GALNT2: variants seen among roughly 807,000 people sequenced by gnomAD.
GALNT2 encodes UDP-GalNAc:polypeptide N-acetylgalactosaminyltransferase 2.
A neutral mutation model predicts 81.4 loss-of-function variants in GALNT2; 31 were observed. The ratio of observed to expected loss-of-function variants is 0.38; its 90% CI spans 0.29 to 0.51. The LOEUF is 0.51. GALNT2 is among the 20% of genes least tolerant of loss of function. The probability of loss-of-function intolerance (pLI) is 0.87; values close to 1 mark genes in which losing one functional copy is unlikely to be tolerated. For synonymous variants in GALNT2, 303 were observed against 287.4 expected, an observed-to-expected ratio of 1.05 and a Z score of -0.55; for missense variants, 629 against 765.7, an observed-to-expected ratio of 0.82 and a Z score of 2.11.
At chr1:230,260,761 CATT>C (rs749855521) in intron 11 of GALNT2, among the ~76,000 whole-genome samples, 5 of 152,184 alleles carry the variant, frequency 3.3e-5, no homozygotes, top group Admixed American at 6.5e-5. Context: ...TTTAAGTACT[CATT>C]GTTGTATCTG....
At chr1:230,195,136 G>A (rs1558134103) in intron 2 of GALNT2, among the ~76,000 whole-genome samples, 3 of 152,226 alleles carry the variant, frequency 2.0e-5, no homozygotes, top group Non-Finnish European at 4.4e-5. Context: ...CTCCAAGTCC[G>A]GACCAAGGTC....
At chr1:230,166,865 A>C (rs969667641) in intron 1 of GALNT2, among the ~76,000 whole-genome samples, 5 of 152,174 alleles carry the variant, frequency 3.3e-5, no homozygotes, top group Admixed American at 2.6e-4. Flanking sequence ...AGTCATGAGG[A>C]GTAAAAGAGA....
chr1:230,129,047 G>A (rs1436574694), intron 1 of GALNT2, among the ~76,000 whole-genome samples: 1 of 152,200 alleles, frequency 6.6e-6, no homozygotes, highest in Admixed American at 6.5e-5. Context: ...GTGGCCAAAT[G>A]CCGCCGCTAG....
At chr1:230,118,825 A>T (rs1343786985) in intron 1 of GALNT2, among the ~76,000 whole-genome samples, 1 of 152,132 alleles carries the variant, frequency 6.6e-6, no homozygotes, top group African/African-American at 2.4e-5. Flanking sequence ...AATTAAAAAA[A>T]GTTATTATAG....
At chr1:230,223,453 A>ATT (rs141387009) in intron 3 of GALNT2, among the ~76,000 whole-genome samples, 13 of 147,110 alleles carry the variant, frequency 8.8e-5, no homozygotes, top group African/African-American at 3.2e-4. Flanking sequence ...ACTCTTAGCC[A>ATT]TTTTTTTTTT....
intron 1 of GALNT2, among the ~76,000 whole-genome samples, chr1:230,153,571 T>C (rs1447168841): frequency 6.6e-6 from 1 of 152,188 alleles, no homozygotes; most frequent in Non-Finnish European, 1.5e-5. Context: ...GCTGGGGAAT[T>C]AATTCATCGA....
chr1:230,112,671 G>A (rs1160857876), intron 1 of GALNT2, among the ~76,000 whole-genome samples: 3 of 152,082 alleles, frequency 2.0e-5, no homozygotes, highest in East Asian at 1.9e-4. Context: ...TGAGGATGGC[G>A]AAGGGAGGAG....
chr1:230,219,445 C>A (rs1335814066), intron 3 of GALNT2, among the ~76,000 whole-genome samples: 1 of 151,836 alleles, frequency 6.6e-6, no homozygotes, highest in Non-Finnish European at 1.5e-5. Flanking sequence ...TTCTGGCATC[C>A]CTCTCAAATT....
intron 1 of GALNT2, among the ~76,000 whole-genome samples, chr1:230,075,701 C>T (rs2102747539): frequency 6.6e-6 from 1 of 152,300 alleles, no homozygotes; most frequent in South Asian, 2.1e-4. Flanking sequence ...TGCGGGGAGC[C>T]AGACAGTAGA....
At chr1:230,178,723 A>G (rs1409624922) in intron 2 of GALNT2, among the ~76,000 whole-genome samples, 1 of 150,744 alleles carries the variant, frequency 6.6e-6, no homozygotes, top group Non-Finnish European at 1.5e-5. Context: ...AGTATCCCCC[A>G]ACAGAGTGGT....
intron 1 of GALNT2, among the ~76,000 whole-genome samples, chr1:230,080,566 G>A (rs935626365): frequency 6.6e-6 from 1 of 152,142 alleles, no homozygotes; most frequent in African/African-American, 2.4e-5. Context: ...CCCTAGCCTC[G>A]TTTGACAGCA....
upstream of GALNT2, among the ~76,000 whole-genome samples, chr1:230,066,738 C>G (rs1659190251): frequency 6.6e-6 from 1 of 152,232 alleles, no homozygotes; most frequent in African/African-American, 2.4e-5. Flanking sequence ...ACAGTCTGGG[C>G]AGGAAGCACC....
At chr1:230,273,344 G>T (rs1666201748) in intron 14 of GALNT2, among the ~76,000 whole-genome samples, 1 of 152,252 alleles carries the variant, frequency 6.6e-6, no homozygotes, top group South Asian at 2.1e-4. Context: ...AGGTGGTCAT[G>T]GGACAGACCG....
intron 1 of GALNT2, among the ~76,000 whole-genome samples, chr1:230,175,298 C>T (rs1195092536): frequency 6.6e-6 from 1 of 152,160 alleles, no homozygotes; most frequent in African/African-American, 2.4e-5. Context: ...AGGAAGCTAT[C>T]TTATCTAGAG....
chr1:230,189,513 G>A (rs1480665793), intron 2 of GALNT2, among the ~76,000 whole-genome samples: 2 of 152,218 alleles, frequency 1.3e-5, no homozygotes, highest in East Asian at 1.9e-4. Context: ...CCACCTGCCG[G>A]AAGAAAGATG....
At position 230,279,975 on chromosome 1, in the gene GALNT2, C is replaced by T; in HGVS notation, c.*517C>T. 1 of 456,254 alleles carries T rather than the reference C, an allele frequency of 2.2e-6. No homozygotes were observed. Among genetic ancestry groups the T allele is most frequent in the Middle Eastern group, 3.3e-4 (1 of 3,070 alleles). The allele number at this position is 456,254 out of a possible 1,614,324, so 28.3% of individuals were successfully genotyped here. ...GTCCCTCTCTCTGCTCCTCCATTCG[C>T]AAGTGTCTTCCTGGGCCAGACTCCC... is the stretch of plus-strand genomic sequence containing the variant. On this transcript the variant is annotated 3_prime_UTR_variant, in exon 16 of 16. Coordinates refer to ENST00000366672, the MANE Select transcript of GALNT2 (RefSeq NM_004481.5). This position sits in a 1 kb window ranked among gnomAD's most constrained non-coding sequence, Gnocchi z 4.6.
chr1:230,200,909 C>A (rs976445648), intron 2 of GALNT2, among the ~76,000 whole-genome samples: 1 of 152,184 alleles, frequency 6.6e-6, no homozygotes, highest in East Asian at 1.9e-4. Context: ...TTTGTTAGAA[C>A]CAGCTCATTG....
rs1349522101 is a variant in GALNT2 at position 230,172,384 on chromosome 1, C to G, written c.127-5834C>G. On this transcript the variant is annotated intron_variant, in intron 1 of 15. Coordinates refer to ENST00000366672, the MANE Select transcript of GALNT2 (RefSeq NM_004481.5). ...GGCAAACCTTCAGAGAACAGCAGCC[C>G]TGGCCGAAATCTTTGCAGCCCCATT... 2.0e-5 allele frequency among the ~76,000 whole-genome samples: 3 copies of G among 152,234 alleles called. No homozygotes were observed. The South Asian group carries it at 6.2e-4, about 31-fold the overall frequency.
At chr1:230,106,392 CCTGAGGCT>C (rs1660547065) in intron 1 of GALNT2, among the ~76,000 whole-genome samples, 2 of 152,196 alleles carry the variant, frequency 1.3e-5, no homozygotes, top group African/African-American at 2.4e-5. Flanking sequence ...TACCTAAACA[CCTGAGGCT>C]CTGAGTTCCG....
Sources: gnomAD v4.1 joint callset for allele counts (sites outside exome capture counted in the v4.1 genomes callset) on GRCh38, gnomAD v4.1.1 for gene constraint, Gnocchi (gnomAD v3.1) non-coding constraint, MANE v1.5 for transcripts, NCBI Gene and HGNC (gene_info 2026-07-23, HGNC 2026-07-21) for gene names.